EML6: variants seen among roughly 807,000 people sequenced by gnomAD.
The protein encoded by EML6 is echinoderm microtubule-associated protein-like 6.
Under a neutral mutation model 240.1 loss-of-function variants are expected in EML6, and 154 were observed. The observed-to-expected ratio is 0.64, with a 90% CI of 0.56 to 0.73. The LOEUF is 0.73. Ranked by LOEUF, EML6 falls within the 30% of genes least tolerant of loss-of-function variation. The pLI, the probability that EML6 is intolerant of heterozygous loss-of-function variation, is 0.00. For synonymous variants in EML6, 1,148 were observed against 899.0 expected, an observed-to-expected ratio of 1.28 and a Z score of -4.95; for missense variants, 2,964 against 2,474.6, an observed-to-expected ratio of 1.20 and a Z score of -4.20.
chr2:54,952,943 C>A (rs1174640904), intron 31 of EML6, among the ~76,000 whole-genome samples: 1 of 152,126 alleles, frequency 6.6e-6, no homozygotes, highest in Non-Finnish European at 1.5e-5. Flanking sequence ...TCCCTGTGGA[C>A]TTGTAAGAAT....
At chr2:54,967,971 T>C (rs1240933607) in intron 39 of EML6, among the ~76,000 whole-genome samples, 157 bp from the exon 40 acceptor site, 1 of 152,186 alleles carries the variant, frequency 6.6e-6, no homozygotes, top group Non-Finnish European at 1.5e-5. Flanking sequence ...GGTCGGTTCC[T>C]AACAGGCCAT....
intron 2 of EML6, among the ~76,000 whole-genome samples, chr2:54,783,453 C>A (rs1426915533): frequency 2.6e-5 from 4 of 152,150 alleles, no homozygotes; most frequent in Non-Finnish European, 5.9e-5. Context: ...TGTACACAGC[C>A]TTTAAAAGTT....
intron 21 of EML6, among the ~76,000 whole-genome samples, chr2:54,897,126 A>G (rs1672813075): frequency 6.6e-6 from 1 of 152,174 alleles, no homozygotes; most frequent in African/African-American, 2.4e-5. Context: ...TGAGAATGTA[A>G]ATTGTTTCCA....
At chr2:54,792,279 T>C (rs571370820) in intron 2 of EML6, among the ~76,000 whole-genome samples, 2 of 152,260 alleles carry the variant, frequency 1.3e-5, no homozygotes, top group African/African-American at 2.4e-5. Flanking sequence ...GCCTAATTTA[T>C]TAATGCCCCC....
At chr2:54,790,880 C>T (rs377598386) in intron 2 of EML6, among the ~76,000 whole-genome samples, 1 of 151,898 alleles carries the variant, frequency 6.6e-6, no homozygotes, top group Non-Finnish European at 1.5e-5. Context: ...CGCCTGCCAC[C>T]GCGCCCAGCT....
chr2:54,730,068 A>G (rs181348), intron 2 of EML6, among the ~76,000 whole-genome samples: 48,168 of 151,972 alleles, frequency 0.32, 8,013 homozygotes, highest in East Asian at 0.56. Context: ...CCCAGGAGGC[A>G]GAGGTTGCAG....
intron 21 of EML6, among the ~76,000 whole-genome samples, chr2:54,896,590 G>T (rs1348645711): frequency 6.6e-6 from 1 of 152,148 alleles, no homozygotes; most frequent in Non-Finnish European, 1.5e-5. Context: ...AGGGGTGAAG[G>T]ATGTGTGTTC....
At chr2:54,957,666 G>A in intron 32 of EML6, 124 bp from the exon 33 acceptor site, 1 of 804,250 alleles carries the variant, frequency 1.2e-6, no homozygotes, top group Non-Finnish European at 2.0e-6. Context: ...AGGGGAGAGA[G>A]TGCTGTAAAG....
At chr2:54,837,609 G>A (rs1471853270) in intron 7 of EML6, among the ~76,000 whole-genome samples, 1 of 152,292 alleles carries the variant, frequency 6.6e-6, no homozygotes, top group African/African-American at 2.4e-5. Context: ...CGATCCAGTG[G>A]GGTAGAGTTT....
At chr2:54,854,200 C>G (rs556193750) in intron 11 of EML6, among the ~76,000 whole-genome samples, 1 of 152,158 alleles carries the variant, frequency 6.6e-6, no homozygotes, top group East Asian at 1.9e-4. Context: ...TTTTATGATT[C>G]AGAGCTATTG....
intron 2 of EML6, among the ~76,000 whole-genome samples, chr2:54,743,307 G>A (rs1683740915): frequency 6.6e-6 from 1 of 152,184 alleles, no homozygotes; most frequent in East Asian, 1.9e-4. Context: ...CAGAGCACCT[G>A]GAGAAAACCC....
intron 9 of EML6, among the ~76,000 whole-genome samples, chr2:54,848,744 G>A (rs1306431880): frequency 6.6e-6 from 1 of 152,122 alleles, no homozygotes; most frequent in Non-Finnish European, 1.5e-5. Context: ...TCTCACAATT[G>A]TAGGGAAAAA....
chr2:54,816,597 T>G (rs1668092484), intron 3 of EML6, among the ~76,000 whole-genome samples, 190 bp from the exon 4 acceptor site: 2 of 152,232 alleles, frequency 1.3e-5, no homozygotes, highest in Admixed American at 6.5e-5. Flanking sequence ...GTTCTTGAAA[T>G]TTCAGCATAT....
chr2:54,805,971 C>A (rs1168022398), intron 2 of EML6, among the ~76,000 whole-genome samples: 1 of 152,096 alleles, frequency 6.6e-6, no homozygotes, highest in Non-Finnish European at 1.5e-5. Context: ...AAATGTGGGT[C>A]TCTCTATGGA....
At chr2:54,921,717 C>G (rs566658712) in intron 26 of EML6, among the ~76,000 whole-genome samples, 2 of 152,022 alleles carry the variant, frequency 1.3e-5, no homozygotes, top group South Asian at 4.1e-4. Flanking sequence ...ATGTATGGTA[C>G]TGACATAAAA....
At chr2:54,905,081 G>A (rs1042449376) in intron 24 of EML6, among the ~76,000 whole-genome samples, 7 of 152,100 alleles carry the variant, frequency 4.6e-5, no homozygotes, top group South Asian at 2.1e-4. Context: ...AGTCTGTTTC[G>A]CTTTCATGTC....
intron 2 of EML6, among the ~76,000 whole-genome samples, chr2:54,739,130 T>C (rs1473847328): frequency 6.6e-6 from 1 of 152,240 alleles, no homozygotes; most frequent in Non-Finnish European, 1.5e-5. Flanking sequence ...ATATATTCTA[T>C]AGGAAATTCT....
At chr2:54,845,418 A>C (rs1367185503) in intron 8 of EML6, among the ~76,000 whole-genome samples, 1 of 152,226 alleles carries the variant, frequency 6.6e-6, no homozygotes, top group African/African-American at 2.4e-5. Flanking sequence ...TGTTTCAACA[A>C]TTGTTAAGTC....
chr2:54,825,427 C>G (rs1427413491), intron 5 of EML6, among the ~76,000 whole-genome samples: 1 of 152,034 alleles, frequency 6.6e-6, no homozygotes, highest in Admixed American at 6.6e-5. Context: ...TGCTACCACT[C>G]CAGGCTAATT....
Sources: allele counts gnomAD v4.1 joint callset (sites outside exome capture counted in the v4.1 genomes callset), GRCh38; gene constraint gnomAD v4.1.1; transcripts MANE v1.5; gene names NCBI Gene and HGNC (gene_info 2026-07-23, HGNC 2026-07-21).